OTOGL: variants seen among roughly 807,000 people sequenced by gnomAD.
OTOGL encodes otogelin-like protein.
OTOGL carries 285 observed loss-of-function variants against 318.5 expected under a neutral mutation model. The observed-to-expected ratio is 0.89, with a 90% confidence interval of 0.81 to 0.99. The LOEUF (loss-of-function observed/expected upper bound fraction) is 0.99. Ranked by LOEUF, OTOGL falls within the 50% of genes least tolerant of loss-of-function variation. The probability of loss-of-function intolerance (pLI) is 0.00; values close to 1 mark genes in which losing one functional copy is unlikely to be tolerated. For missense variants in OTOGL, 2,899 were observed against 2,845.6 expected, an observed-to-expected ratio of 1.02 and a Z score of -0.43; for synonymous variants, 987 against 936.5, an observed-to-expected ratio of 1.05 and a Z score of -0.99.
rs748612530 is a variant in OTOGL, at chr12:80,271,769, C to T, written c.2640C>T (p.Thr880=). The T allele has an allele frequency of 1.2e-5, 20 of 1,613,058 alleles. No individual in the cohort carries two copies. The South Asian group carries it at 2.1e-4, about 17-fold the overall frequency. ...ACCTAGCCATGAACTTCACCTGCAC[C>T]CCATCCTCACCCTGTATAAGTGGCT... ...CANLAMNFTC[T]PSSPCISGCV... The change falls in exon 24 of 59, where the codon ACC becomes ACT. Residue 880 remains threonine, a synonymous_variant. Coordinates refer to ENST00000547103, the MANE Select transcript of OTOGL (RefSeq NM_001378609.3).
At chr12:80,339,306 T>TTTG in intron 43 of OTOGL, 42 bp downstream of exon 43, 2 of 1,384,766 alleles carry the variant, frequency 1.4e-6, no homozygotes, top group East Asian at 2.4e-5. Context: ...CTGTTTTTTT[T>TTTG]TTTTTTTTTT....
At chr12:80,275,296 A>G (rs1479304558) in intron 24 of OTOGL, among the ~76,000 whole-genome samples, 1 of 151,996 alleles carries the variant, frequency 6.6e-6, no homozygotes, top group East Asian at 1.9e-4. Context: ...ACCCTCACGG[A>G]TAACTTTGAG....
chr12:80,311,764 G>A (rs1398046171), intron 30 of OTOGL, among the ~76,000 whole-genome samples: 1 of 152,198 alleles, frequency 6.6e-6, no homozygotes, highest in Non-Finnish European at 1.5e-5. Context: ...ACCTGATGGT[G>A]TCTGTTGTCT....
At chr12:80,244,360 C>A (rs1241738733) in intron 11 of OTOGL, among the ~76,000 whole-genome samples, 1 of 137,540 alleles carries the variant, frequency 7.3e-6, no homozygotes, top group African/African-American at 2.7e-5. Flanking sequence ...GTGATATTCC[C>A]CTTCCTGTGT....
In OTOGL at chr12:80,270,133, GA is replaced by G. The variant is rs1426542204; in HGVS notation, c.2499del (p.Glu833AspfsTer2). ...QCSNGTVKCD[E>X]LATPSAVHIC... ...TTCAAATGGGACTGTGAAATGTGAT[GA>G]ATTAGCAACGCCCTCTGCTGGTAAG... On this transcript the variant is annotated frameshift_variant, in exon 23 of 59. Coordinates refer to ENST00000547103, the MANE Select transcript of OTOGL (RefSeq NM_001378609.3). LOFTEE classifies it high-confidence loss of function. The G allele has an allele frequency of 2.1e-5, 33 of 1,605,278 alleles. No homozygotes were observed. The highest frequency in any genetic ancestry group is 2.8e-5 in the Non-Finnish European group (33 of 1,172,848).
At chr12:80,112,624 T>C (rs1257914077) in intron 1 of OTOGL, among the ~76,000 whole-genome samples, 1 of 152,140 alleles carries the variant, frequency 6.6e-6, no homozygotes, top group Non-Finnish European at 1.5e-5. Flanking sequence ...AGCTTTTTGA[T>C]GTGTTGCTGG....
At chr12:80,353,238 TA>T in intron 45 of OTOGL, 86 bp from the exon 46 acceptor site, 1 of 1,135,836 alleles carries the variant, frequency 8.8e-7, no homozygotes. Flanking sequence ...ATATATTTTC[TA>T]AAAGAAATCT....
At chr12:80,128,421 C>T (rs1327685654) in intron 1 of OTOGL, among the ~76,000 whole-genome samples, 2 of 152,102 alleles carry the variant, frequency 1.3e-5, no homozygotes, top group African/African-American at 2.4e-5. Context: ...AGAGGAGTAC[C>T]CGGCTATGTG....
Position 80,266,666 on chromosome 12 carries a change from C to T in OTOGL, c.2390+50C>T, listed in dbSNP as rs1387524858. 5 of 1,528,550 alleles carry T rather than the reference C, an allele frequency of 3.3e-6. No individual in the cohort carries two copies. In the South Asian group the frequency reaches 3.6e-5, roughly 11 times the overall value. 94.7% of individuals were successfully genotyped at this position (1,528,550 alleles called of 1,614,324 possible). On this transcript the variant is annotated intron_variant, in intron 21 of 58. Coordinates refer to ENST00000547103, the MANE Select transcript of OTOGL (RefSeq NM_001378609.3). The stretch of plus-strand genomic sequence containing the variant: ...GCATCCTGTTTTAATCTCTTTTTCT[C>T]CTTACGGGCTAAATGAGCTTTCATG...
intron 26 of OTOGL, among the ~76,000 whole-genome samples, chr12:80,282,438 C>A (rs1279382939): frequency 6.6e-6 from 1 of 151,502 alleles, no homozygotes; most frequent in South Asian, 2.1e-4. Flanking sequence ...TCTTGTCTTC[C>A]TTTATGAATG....
At chr12:80,219,172 C>T (rs1007409226) in intron 5 of OTOGL, among the ~76,000 whole-genome samples, 2 of 152,062 alleles carry the variant, frequency 1.3e-5, no homozygotes, top group African/African-American at 4.8e-5. Flanking sequence ...AGTGCAATGG[C>T]GTGATCTCGG....
chr12:80,190,669 C>A (rs1565893949), intron 1 of OTOGL, among the ~76,000 whole-genome samples: 1 of 151,840 alleles, frequency 6.6e-6, no homozygotes, highest in Non-Finnish European at 1.5e-5. Flanking sequence ...CGCCTGTAAT[C>A]CCAGCTACTC....
chr12:80,247,025 TTTA>T (rs1880961647), intron 11 of OTOGL, among the ~76,000 whole-genome samples: 1 of 88,276 alleles, frequency 1.1e-5, no homozygotes, highest in Non-Finnish European at 2.1e-5. Context: ...TTTATCATTT[TTTA>T]TTGTGTCTAT....
chr12:80,315,680 A>G (rs1886924968), intron 32 of OTOGL, among the ~76,000 whole-genome samples: 1 of 152,346 alleles, frequency 6.6e-6, no homozygotes. Context: ...GAAATTTGTC[A>G]GCTAGATAAT....
chr12:80,348,204 TC>T lies in OTOGL; in HGVS notation c.5266-4089del, dbSNP rs201464652. Among the ~76,000 whole-genome samples the T allele has an allele frequency of 1.7e-3, 252 of 152,344 alleles. 6 individuals carry two copies. In the East Asian group the frequency reaches 0.031, roughly 19 times the overall value. On this transcript the variant is annotated intron_variant, in intron 44 of 58. Transcript: ENST00000547103. Reference sequence around the variant, plus strand: ...GTCATGAAGTCTTTGCCCATGACTGTCCTGAATGATATTGCCTAGGTTTTCC... The same window carrying T: ...GTCATGAAGTCTTTGCCCATGACTGTCTGAATGATATTGCCTAGGTTTTCC...
At chr12:80,212,020 A>G (rs765613151) in intron 4 of OTOGL, 23 bp downstream of exon 4, 3 of 1,546,414 alleles carry the variant, frequency 1.9e-6, no homozygotes, top group East Asian at 2.3e-5. Context: ...TCAGGTGGAG[A>G]GAGAGGCAGA....
rs186846152 is a variant in OTOGL, at chr12:80,108,061, A to G, written c.-20+8456A>G. ...AAACCCCATGACACGCAGTTTACCT[A>G]TTTAACAAACCTGCACATGTACCCC... is the stretch of plus-strand genomic sequence containing the variant. On this transcript the variant is annotated intron_variant, in intron 1 of 58. Coordinates refer to ENST00000547103, the MANE Select transcript of OTOGL (RefSeq NM_001378609.3). 6.6e-5 allele frequency among the ~76,000 whole-genome samples: 10 copies of G among 152,276 alleles called. No individual in the cohort carries two copies. In the East Asian group the frequency reaches 1.9e-3, roughly 29 times the overall value.
intron 27 of OTOGL, among the ~76,000 whole-genome samples, chr12:80,300,817 G>C (rs1885709534): frequency 6.6e-6 from 1 of 152,154 alleles, no homozygotes; most frequent in South Asian, 2.1e-4. Context: ...GACTTGAGAT[G>C]GGTAAAAGCT....
intron 22 of OTOGL, among the ~76,000 whole-genome samples, chr12:80,269,729 A>AT (rs545648997): frequency 2.0e-5 from 3 of 151,956 alleles, no homozygotes; most frequent in African/African-American, 7.3e-5. Context: ...TTTTAAAAAC[A>AT]TTTTTTCTTT....
Sources: gnomAD v4.1 joint callset for allele counts (sites outside exome capture counted in the v4.1 genomes callset) on GRCh38, gnomAD v4.1.1 for gene constraint, MANE v1.5 for transcripts, NCBI Gene and HGNC (gene_info 2026-07-23, HGNC 2026-07-21) for gene names.